Variants in CAMTA1 observed in about 807,000 individuals in gnomAD.
CAMTA1 encodes calmodulin binding transcription activator 1.
Under a neutral mutation model 170.9 loss-of-function variants are expected in CAMTA1, and 27 were observed. That is an observed-to-expected ratio of 0.16 (90% confidence interval 0.12 to 0.22). The LOEUF is 0.22. Ranked by LOEUF, CAMTA1 falls within the 10% of genes least tolerant of loss-of-function variation. The pLI is 1.00. For synonymous variants in CAMTA1, 833 were observed against 891.5 expected (o/e 0.93, Z 1.17); for missense variants, 1,619 against 2,217.2 (o/e 0.73, Z 5.42).
In CAMTA1 at chr1:7,281,817, G is replaced by A. The variant is rs186143763; in HGVS notation, c.438+32191G>A. ...AAAGAAATTGTGTGTGTGTGTGTGT[G>A]TGTGTGTGTGTGTGTGTGTGTGTGT... On this transcript the variant is annotated intron_variant, in intron 5 of 22. Transcript: ENST00000303635. Among the ~76,000 whole-genome samples the A allele has an allele frequency of 7.9e-3, 1,191 of 151,328 alleles. 9 individuals carry two copies. The highest frequency in any genetic ancestry group is 0.011 in the Non-Finnish European group (724 of 67,732).
chr1:7,699,372 G>A (rs2096413912), intron 11 of CAMTA1, among the ~76,000 whole-genome samples: 1 of 152,052 alleles, frequency 6.6e-6, no homozygotes, highest in African/African-American at 2.4e-5. Flanking sequence ...TTCTATAAAT[G>A]ATGTAATACA....
intron 5 of CAMTA1, among the ~76,000 whole-genome samples, chr1:7,349,614 C>T (rs914648321): frequency 6.6e-6 from 1 of 152,176 alleles, no homozygotes; most frequent in African/African-American, 2.4e-5. Flanking sequence ...CTCCTGAGGC[C>T]TCTGTCCTTG....
At chr1:7,663,207 T>G (rs1576681426) in intron 8 of CAMTA1, 146 bp from the exon 9 acceptor site, 1 of 1,062,416 alleles carries the variant, frequency 9.4e-7, no homozygotes, top group Non-Finnish European at 1.3e-6. Flanking sequence ...CTGCCTGGGG[T>G]ACCGGGCCTG....
chr1:7,766,320 G>GT, intron 22 of CAMTA1, 139 bp from the exon 23 acceptor site: 1 of 661,542 alleles, frequency 1.5e-6, no homozygotes, highest in Non-Finnish European at 2.6e-6. Flanking sequence ...TTTCACAGGA[G>GT]TTTCTTTTGC....
chr1:7,224,180 A>G lies in CAMTA1; in HGVS notation c.303-25311A>G, dbSNP rs779026392. On this transcript the variant is annotated intron_variant, in intron 4 of 22. Coordinates refer to ENST00000303635, the MANE Select transcript of CAMTA1 (RefSeq NM_015215.4). The surrounding 1 kb of genome is among the most constrained non-coding windows in gnomAD (Gnocchi z 5.2). Reference sequence around the variant, plus strand: ...TGGACCTCACCCGATGGGAGGGAGAATGATGCTCTGCCAGGTGGAGGCCTT... The same window carrying G: ...TGGACCTCACCCGATGGGAGGGAGAGTGATGCTCTGCCAGGTGGAGGCCTT... Among the ~76,000 whole-genome samples the G allele has an allele frequency of 6.6e-6, 1 of 152,242 alleles. No homozygotes were observed. The highest frequency in any genetic ancestry group is 2.1e-4 in the South Asian group (1 of 4,828).
chr1:6,959,624 A>G (rs1690042164), intron 3 of CAMTA1, among the ~76,000 whole-genome samples: 1 of 152,230 alleles, frequency 6.6e-6, no homozygotes, highest in Non-Finnish European at 1.5e-5. Context: ...ATTGTTAATA[A>G]AAGTAGCTAA....
chr1:7,225,188 C>G (rs879609809), intron 4 of CAMTA1, among the ~76,000 whole-genome samples: 4 of 152,136 alleles, frequency 2.6e-5, no homozygotes, highest in Non-Finnish European at 4.4e-5. Flanking sequence ...GGGCTCATGC[C>G]ATTCTCCTGC....
chr1:7,433,431 G>A (rs1273147398), intron 5 of CAMTA1, among the ~76,000 whole-genome samples: 18 of 152,184 alleles, frequency 1.2e-4, no homozygotes, highest in Non-Finnish European at 2.6e-4. Flanking sequence ...TCCTGGCCAG[G>A]CCCAGCCTTT....
chr1:7,430,040 C>T (rs2092079836), intron 5 of CAMTA1, among the ~76,000 whole-genome samples: 1 of 152,158 alleles, frequency 6.6e-6, no homozygotes, highest in Non-Finnish European at 1.5e-5. Context: ...TTGGGGATTA[C>T]ATTTCAACAT....
intron 3 of CAMTA1, among the ~76,000 whole-genome samples, chr1:7,074,005 G>T (rs1388219612): frequency 6.6e-6 from 1 of 152,226 alleles, no homozygotes; most frequent in African/African-American, 2.4e-5. Context: ...TCAACACATA[G>T]TAAGGGCTTA....
intron 4 of CAMTA1, among the ~76,000 whole-genome samples, chr1:7,236,804 G>A (rs1021121219): frequency 6.6e-6 from 1 of 152,220 alleles, no homozygotes; most frequent in South Asian, 2.1e-4. Flanking sequence ...ATGGTGCATG[G>A]AAATCAGGCC....
chr1:7,528,158 C>A (rs1000476966), intron 6 of CAMTA1, among the ~76,000 whole-genome samples: 6 of 152,132 alleles, frequency 3.9e-5, no homozygotes, highest in African/African-American at 1.4e-4. Context: ...TTGACGAGAG[C>A]AGACTGATCT....
At chr1:6,878,485 G>T (rs1244181501) in intron 3 of CAMTA1, among the ~76,000 whole-genome samples, 1 of 152,192 alleles carries the variant, frequency 6.6e-6, no homozygotes. Context: ...CATTGCCACG[G>T]TATAGCAGTA....
At position 7,732,647 on chromosome 1, in the gene CAMTA1, G is replaced by A. The variant is rs1326832540; in HGVS notation, c.3066+48G>A. On this transcript the variant is annotated intron_variant, in intron 12 of 22. Coordinates refer to ENST00000303635, the MANE Select transcript of CAMTA1 (RefSeq NM_015215.4). The surrounding 1 kb of genome is among the most constrained non-coding windows in gnomAD (Gnocchi z 4.1). ...AGCTCCCATTTCGCTTCATGTTTAT[G>A]GATTGGCGAGGCAGTGGATGGATCA... 2 of 1,512,640 alleles carry A rather than the reference G, an allele frequency of 1.3e-6. No individual in the cohort carries two copies. The highest frequency in any genetic ancestry group is 1.8e-6 in the Non-Finnish European group (2 of 1,127,484). 93.7% of individuals were successfully genotyped at this position (1,512,640 alleles called of 1,614,324 possible). A position where few individuals can be genotyped will look rare whatever the true frequency, so the allele number is the denominator to read the frequency against.
chr1:7,037,437 G>T (rs1177752918), intron 3 of CAMTA1, among the ~76,000 whole-genome samples: 4 of 152,200 alleles, frequency 2.6e-5, no homozygotes, highest in Admixed American at 6.5e-5. Flanking sequence ...CGAGGCATTT[G>T]TTCCCTGCCC....
chr1:7,421,616 C>T (rs1276980189), intron 5 of CAMTA1, among the ~76,000 whole-genome samples: 2 of 152,192 alleles, frequency 1.3e-5, no homozygotes, highest in Admixed American at 6.5e-5. Flanking sequence ...ACAACGGCCT[C>T]CCCCTCTTGG....
intron 5 of CAMTA1, among the ~76,000 whole-genome samples, chr1:7,322,852 T>C (rs190114657): frequency 3.8e-4 from 58 of 152,346 alleles, no homozygotes; most frequent in African/African-American, 1.3e-3. Context: ...CAGCTTTGAC[T>C]TCATTGATCC....
At chr1:7,231,012 G>A (rs1052465915) in intron 4 of CAMTA1, among the ~76,000 whole-genome samples, 1 of 152,150 alleles carries the variant, frequency 6.6e-6, no homozygotes, top group Non-Finnish European at 1.5e-5. Flanking sequence ...AGGAGCCATG[G>A]CTGCATCCAA....
Position 7,216,549 on chromosome 1 carries a change from C to T in CAMTA1, c.303-32942C>T, listed in dbSNP as rs1341408457. ...TTCTTTCGTTCTTTCACAGAACTGT[C>T]GCCCAGGCTGCAGTGCAGTGTTGAG... is the stretch of plus-strand genomic sequence containing the variant. On this transcript the variant is annotated intron_variant, in intron 4 of 22. Coordinates refer to ENST00000303635, the MANE Select transcript of CAMTA1 (RefSeq NM_015215.4). This position sits in a 1 kb window ranked among gnomAD's most constrained non-coding sequence, Gnocchi z 4.0. Among the ~76,000 whole-genome samples the T allele has an allele frequency of 3.3e-5, 5 of 152,042 alleles. No individual in the cohort carries two copies. Among genetic ancestry groups the T allele is most frequent in the Non-Finnish European group, 5.9e-5 (4 of 68,018 alleles).
Sources: allele counts gnomAD v4.1 joint callset (sites outside exome capture counted in the v4.1 genomes callset), GRCh38; gene constraint gnomAD v4.1.1; non-coding constraint Gnocchi (gnomAD v3.1); transcripts MANE v1.5; gene names NCBI Gene and HGNC (gene_info 2026-07-23, HGNC 2026-07-21).